Variants in LHFPL4 observed in about 807,000 individuals in gnomAD.
LHFPL4 encodes LHFPL tetraspan subfamily member 4.
A neutral mutation model predicts 20.0 loss-of-function variants in LHFPL4; 6 were observed. The ratio of observed to expected loss-of-function variants is 0.30; its 90% CI spans 0.16 to 0.59. LHFPL4 has a LOEUF of 0.59. Among genes scored for constraint, LHFPL4 ranks in the 20% least tolerant of loss-of-function variants. LHFPL4 has a pLI of 0.88. For synonymous variants in LHFPL4, 129 were observed against 143.8 expected, an observed-to-expected ratio of 0.90 and a Z score of 0.74; for missense variants, 215 against 331.2, an observed-to-expected ratio of 0.65 and a Z score of 2.72.
At position 9,506,326 on chromosome 3, in the gene LHFPL4, G is replaced by A. The variant is rs568331684; in HGVS notation, c.407-123C>T. 1.4e-4 allele frequency: 101 copies of A among 716,760 alleles called. 1 individual carries two copies. The South Asian group carries it at 1.6e-3, about 12-fold the overall frequency. 44.4% of individuals were successfully genotyped at this position (716,760 alleles called of 1,614,324 possible). A position where few individuals can be genotyped will look rare whatever the true frequency, so the allele number is the denominator to read the frequency against. On this transcript the variant is annotated intron_variant, in intron 2 of 3. Transcript: ENST00000287585. The surrounding 1 kb of genome is among the most constrained non-coding windows in gnomAD (Gnocchi z 4.5). ...GGCACATCAACCCAACCACGTGCTTGTTACCCACTTCCACAGAGGGAGAAA... is the reference window on the plus strand; with the variant it reads ...GGCACATCAACCCAACCACGTGCTTATTACCCACTTCCACAGAGGGAGAAA...
At chr3:9,545,812 G>A (rs562560091) in intron 2 of LHFPL4, among the ~76,000 whole-genome samples, 2 of 151,814 alleles carry the variant, frequency 1.3e-5, no homozygotes, top group South Asian at 4.2e-4. Flanking sequence ...AGGGAGCTGA[G>A]GTGGGAGGAT....
intron 2 of LHFPL4, among the ~76,000 whole-genome samples, chr3:9,532,550 G>C (rs1474264767): frequency 6.6e-6 from 1 of 152,020 alleles, no homozygotes; most frequent in East Asian, 1.9e-4. Flanking sequence ...CTCTTTCTGG[G>C]CTTGTCTCAA....
At chr3:9,540,890 C>CA (rs755840231) in intron 2 of LHFPL4, among the ~76,000 whole-genome samples, 85 of 143,074 alleles carry the variant, frequency 5.9e-4, no homozygotes, top group South Asian at 2.9e-3. Flanking sequence ...GACCCTGTCT[C>CA]AAAAAAAAAT....
intron 3 of LHFPL4, among the ~76,000 whole-genome samples, chr3:9,504,755 G>A (rs1184382985): frequency 6.6e-6 from 1 of 151,076 alleles, no homozygotes; most frequent in African/African-American, 2.4e-5. Flanking sequence ...AACCCGGGAG[G>A]TGGAGCTTGC....
At chr3:9,511,820 A>G (rs1232438017) in intron 2 of LHFPL4, among the ~76,000 whole-genome samples, 2 of 152,248 alleles carry the variant, frequency 1.3e-5, no homozygotes, top group Middle Eastern at 3.4e-3. Context: ...AAATGGAACC[A>G]TGTGCTCGCC....
At chr3:9,530,608 C>G (rs893859431) in intron 2 of LHFPL4, among the ~76,000 whole-genome samples, 2 of 152,172 alleles carry the variant, frequency 1.3e-5, no homozygotes, top group African/African-American at 4.8e-5. Flanking sequence ...CATTCATGTG[C>G]TCACCGGAGC....
At chr3:9,543,079 T>C (rs1260284226) in intron 2 of LHFPL4, among the ~76,000 whole-genome samples, 3 of 152,212 alleles carry the variant, frequency 2.0e-5, no homozygotes, top group Non-Finnish European at 2.9e-5. Context: ...GTGAATTATA[T>C]GACATATGAA....
At chr3:9,543,379 T>C (rs1259310392) in intron 2 of LHFPL4, among the ~76,000 whole-genome samples, 1 of 151,910 alleles carries the variant, frequency 6.6e-6, no homozygotes, top group African/African-American at 2.4e-5. Flanking sequence ...CGGGCGCCTG[T>C]AGACCTAGCT....
At chr3:9,529,946 C>G (rs989673314) in intron 2 of LHFPL4, among the ~76,000 whole-genome samples, 1 of 148,152 alleles carries the variant, frequency 6.7e-6, no homozygotes, top group Non-Finnish European at 1.5e-5. Flanking sequence ...TTTTTTTTTC[C>G]TATCCTGAGC....
chr3:9,525,132 C>T (rs2046365163), intron 2 of LHFPL4, among the ~76,000 whole-genome samples: 1 of 152,286 alleles, frequency 6.6e-6, no homozygotes, highest in South Asian at 2.1e-4. Flanking sequence ...AAGGACAGGC[C>T]TGGCATACAT....
At chr3:9,516,623 A>G (rs1198354026) in intron 2 of LHFPL4, among the ~76,000 whole-genome samples, 1 of 151,684 alleles carries the variant, frequency 6.6e-6, no homozygotes, top group Non-Finnish European at 1.5e-5. Flanking sequence ...ACAGGCACAC[A>G]CCACCAAGCC....
chr3:9,519,228 C>T (rs553757866), intron 2 of LHFPL4, among the ~76,000 whole-genome samples: 15 of 152,166 alleles, frequency 9.9e-5, no homozygotes, highest in East Asian at 5.8e-4. Flanking sequence ...CATGAGCCAC[C>T]GCACCCAACC....
At chr3:9,521,943 CCTAT>C (rs1375162590) in intron 2 of LHFPL4, among the ~76,000 whole-genome samples, 2 of 151,754 alleles carry the variant, frequency 1.3e-5, no homozygotes, top group East Asian at 1.9e-4. Flanking sequence ...TATTTGTTGA[CCTAT>C]CTCTTTTTTA....
intron 2 of LHFPL4, among the ~76,000 whole-genome samples, chr3:9,511,127 G>A (rs2046256625): frequency 6.6e-6 from 1 of 151,336 alleles, no homozygotes; most frequent in Non-Finnish European, 1.5e-5. Flanking sequence ...CGAGGCAGGT[G>A]GATCACGAGG....
chr3:9,525,128 A>G (rs1025839416), intron 2 of LHFPL4, among the ~76,000 whole-genome samples: 2 of 152,196 alleles, frequency 1.3e-5, no homozygotes, highest in African/African-American at 4.8e-5. Context: ...TCCCAAGGAC[A>G]GGCCTGGCAT....
intron 3 of LHFPL4, among the ~76,000 whole-genome samples, chr3:9,504,385 A>AAG (rs2046201220): frequency 6.6e-6 from 1 of 151,510 alleles, no homozygotes; most frequent in East Asian, 1.9e-4. Flanking sequence ...CTCAAGGAAA[A>AAG]AAAAAAAAAA....
chr3:9,526,449 G>A (rs891265324), intron 2 of LHFPL4, among the ~76,000 whole-genome samples: 8 of 152,154 alleles, frequency 5.3e-5, no homozygotes, highest in African/African-American at 7.2e-5. Flanking sequence ...GTACAAATCT[G>A]ACAATAGTTT....
chr3:9,513,762 T>C (rs2046278641), intron 2 of LHFPL4, among the ~76,000 whole-genome samples: 1 of 152,218 alleles, frequency 6.6e-6, no homozygotes. Context: ...ATCATTTAAC[T>C]GTGCGTCACT....
chr3:9,544,254 CAA>C (rs1177177386), intron 2 of LHFPL4, among the ~76,000 whole-genome samples: 1 of 150,760 alleles, frequency 6.6e-6, no homozygotes, highest in African/African-American at 2.4e-5. Flanking sequence ...ATTACTTTTC[CAA>C]AGAGTCAAAA....
Sources: gnomAD v4.1 joint callset for allele counts (sites outside exome capture counted in the v4.1 genomes callset) on GRCh38, gnomAD v4.1.1 for gene constraint, Gnocchi (gnomAD v3.1) non-coding constraint, MANE v1.5 for transcripts, NCBI Gene and HGNC (gene_info 2026-07-23, HGNC 2026-07-21) for gene names.